Variants in GRIP1 observed in about 807,000 individuals in gnomAD.
The protein encoded by GRIP1 is glutamate receptor-interacting protein 1.
In GRIP1, 45 loss-of-function variants were observed where a neutral mutation model predicts 129.9. That is an observed-to-expected ratio of 0.35 (90% CI 0.27 to 0.44). GRIP1 has a LOEUF of 0.44. GRIP1 is among the 20% of genes least tolerant of loss of function. The pLI, the probability that GRIP1 is intolerant of heterozygous loss-of-function variation, is 1.00. For synonymous variants in GRIP1, 530 were observed against 520.8 expected, an observed-to-expected ratio of 1.02 and a Z score of -0.24; for missense variants, 1,196 against 1,396.8, an observed-to-expected ratio of 0.86 and a Z score of 2.29.
At chr12:66,449,522 G>T (rs970970518) in intron 11 of GRIP1, among the ~76,000 whole-genome samples, 1 of 152,144 alleles carries the variant, frequency 6.6e-6, no homozygotes, top group Non-Finnish European at 1.5e-5. Flanking sequence ...AGCCTGCAGT[G>T]GGGGGTGAAG....
At chr12:66,675,019 G>T (rs1429456381) in intron 1 of GRIP1, among the ~76,000 whole-genome samples, 1 of 152,140 alleles carries the variant, frequency 6.6e-6, no homozygotes, top group Non-Finnish European at 1.5e-5. Flanking sequence ...GAAAGGGACA[G>T]GGAGAGTTAA....
intron 1 of GRIP1, among the ~76,000 whole-genome samples, chr12:66,780,546 A>G (rs567451313): frequency 6.6e-6 from 1 of 152,288 alleles, no homozygotes; most frequent in Non-Finnish European, 1.5e-5. Flanking sequence ...GAACAACAGC[A>G]ATGGAGGAAA....
chr12:66,824,371 T>C (rs555403786), intron 1 of GRIP1, among the ~76,000 whole-genome samples: 17 of 152,342 alleles, frequency 1.1e-4, no homozygotes, highest in African/African-American at 4.1e-4. Context: ...ACACTAGGAC[T>C]GCCTCATATG....
intron 23 of GRIP1, among the ~76,000 whole-genome samples, chr12:66,360,020 CA>C (rs973272730): frequency 7.9e-5 from 12 of 152,144 alleles, no homozygotes; most frequent in Non-Finnish European, 1.2e-4. Flanking sequence ...TTTGATCTTA[CA>C]ACACCTCTGG....
intron 1 of GRIP1, among the ~76,000 whole-genome samples, chr12:66,722,738 G>T (rs1565987293): frequency 6.6e-6 from 1 of 152,082 alleles, no homozygotes; most frequent in African/African-American, 2.4e-5. Context: ...TCAAAATACA[G>T]ATAATACATA....
intron 1 of GRIP1, among the ~76,000 whole-genome samples, chr12:66,779,645 G>A (rs999464228): frequency 7.2e-5 from 11 of 152,188 alleles, no homozygotes; most frequent in Admixed American, 3.3e-4. Context: ...CTTTTCATTC[G>A]TTCATTCAAC....
In GRIP1 at chr12:66,349,022, T is replaced by TA; in HGVS notation, c.3383dup (p.Leu1128PhefsTer26). On this transcript the variant is annotated frameshift_variant, in exon 25 of 25. Coordinates refer to ENST00000359742, the MANE Select transcript of GRIP1 (RefSeq NM_001366722.1). LOFTEE classifies it high-confidence loss of function. ...TCCTGCTTTATAAAAAGCGTTGCTA[T>TA]AATGTATTAGTGGGTTCTCGTGTCT... is the stretch of plus-strand genomic sequence containing the variant. 6.3e-7 allele frequency: 1 copy of TA among 1,598,860 alleles called. No individual in the cohort carries two copies. Among genetic ancestry groups the TA allele is most frequent in the Non-Finnish European group, 8.6e-7 (1 of 1,165,982 alleles).
chr12:66,786,623 T>C (rs1254775276), intron 1 of GRIP1, among the ~76,000 whole-genome samples: 2 of 152,176 alleles, frequency 1.3e-5, no homozygotes, highest in African/African-American at 4.8e-5. Context: ...TGAATGTTGC[T>C]GGAACACCAA....
intron 1 of GRIP1, among the ~76,000 whole-genome samples, chr12:66,930,699 C>T (rs897261114): frequency 6.6e-6 from 1 of 152,084 alleles, no homozygotes; most frequent in Non-Finnish European, 1.5e-5. Flanking sequence ...TTTTTCTAAT[C>T]CTTAAGCTTG....
At chr12:66,451,522 G>GC (rs369508885) in intron 11 of GRIP1, among the ~76,000 whole-genome samples, 2 of 145,538 alleles carry the variant, frequency 1.4e-5, no homozygotes, top group Non-Finnish European at 3.0e-5. Flanking sequence ...TTCCACCTCA[G>GC]CCCCCCAGGT....
At chr12:66,710,458 T>A (rs540994386) in intron 1 of GRIP1, among the ~76,000 whole-genome samples, 10 of 152,112 alleles carry the variant, frequency 6.6e-5, no homozygotes, top group African/African-American at 2.4e-4. Context: ...AAATGTCTTA[T>A]TCTTGAGGTA....
At chr12:66,406,240 G>A (rs2057185956) in intron 16 of GRIP1, 43 bp downstream of exon 16, 1 of 1,592,804 alleles carries the variant, frequency 6.3e-7, no homozygotes, top group Non-Finnish European at 8.6e-7. Context: ...GTGACAGATG[G>A]GCAGTTCGAA....
At chr12:66,484,284 TA>T (rs1264720176) in intron 7 of GRIP1, among the ~76,000 whole-genome samples, 1 of 152,214 alleles carries the variant, frequency 6.6e-6, no homozygotes, top group Non-Finnish European at 1.5e-5. Flanking sequence ...TGCATATTGT[TA>T]GGGGTAATTT....
intron 1 of GRIP1, among the ~76,000 whole-genome samples, chr12:66,859,733 G>A (rs888406059): frequency 1.6e-4 from 25 of 151,932 alleles, no homozygotes; most frequent in African/African-American, 5.3e-4. Flanking sequence ...CTGTCAATCT[G>A]GGCAATTCCT....
At chr12:66,461,893 C>T (rs1565764224) in intron 9 of GRIP1, among the ~76,000 whole-genome samples, 3 of 152,148 alleles carry the variant, frequency 2.0e-5, no homozygotes, top group Admixed American at 1.3e-4. Flanking sequence ...CCTGACAATA[C>T]TAGTGAGGCC....
intron 16 of GRIP1, among the ~76,000 whole-genome samples, chr12:66,398,362 C>T (rs183317808): frequency 1.3e-5 from 2 of 152,064 alleles, no homozygotes; most frequent in African/African-American, 4.8e-5. Context: ...ACGCCATTCT[C>T]CCCCATCCCA....
intron 2 of GRIP1, among the ~76,000 whole-genome samples, chr12:66,589,967 G>A (rs1316208455): frequency 6.6e-6 from 1 of 152,162 alleles, no homozygotes; most frequent in Admixed American, 6.5e-5. Context: ...TAGGTTGAAG[G>A]TCTAGCCAAA....
chr12:67,016,237 T>C (rs963446357), intron 1 of GRIP1, among the ~76,000 whole-genome samples: 4 of 152,140 alleles, frequency 2.6e-5, no homozygotes, highest in African/African-American at 9.7e-5. Context: ...TCCAAACGCT[T>C]GAGAATTTAA....
At chr12:66,664,554 C>G (rs1158847575) in intron 1 of GRIP1, among the ~76,000 whole-genome samples, 1 of 152,140 alleles carries the variant, frequency 6.6e-6, no homozygotes, top group Admixed American at 6.6e-5. Flanking sequence ...CTTAATACAA[C>G]AAGAAACATA....
Sources: allele counts gnomAD v4.1 joint callset (sites outside exome capture counted in the v4.1 genomes callset), GRCh38; gene constraint gnomAD v4.1.1; transcripts MANE v1.5; gene names NCBI Gene and HGNC (gene_info 2026-07-23, HGNC 2026-07-21).